Variants in SLC24A2 observed in about 807,000 individuals in gnomAD.
The protein encoded by SLC24A2 is sodium/potassium/calcium exchanger 2.
In SLC24A2, 36 loss-of-function variants were observed where a neutral mutation model predicts 62.0. That is an observed-to-expected ratio of 0.58 (90% CI 0.44 to 0.77). The LOEUF (loss-of-function observed/expected upper bound fraction) is 0.77. Ranked by LOEUF, SLC24A2 falls within the 30% of genes least tolerant of loss-of-function variation. The pLI is 0.00. For missense variants in SLC24A2, 846 were observed against 817.9 expected (o/e 1.03, Z -0.42); for synonymous variants, 358 against 294.0 (o/e 1.22, Z -2.23).
chr9:19,866,315 G>A, the SLC24A2 span, among the ~76,000 whole-genome samples: 3 of 152,118 alleles, frequency 2.0e-5, no homozygotes, highest in African/African-American at 4.8e-5. Flanking sequence ...ACTAAAAATA[G>A]AACTAGCATA....
chr9:20,223,928 G>C, the SLC24A2 span, among the ~76,000 whole-genome samples: 4 of 151,514 alleles, frequency 2.6e-5, no homozygotes, highest in Non-Finnish European at 4.4e-5. Flanking sequence ...TACAATCATG[G>C]TGGAAGGCGA....
intron 7 of SLC24A2, among the ~76,000 whole-genome samples, chr9:19,559,320 A>G (rs1268171915): frequency 1.3e-5 from 2 of 152,234 alleles, no homozygotes; most frequent in African/African-American, 4.8e-5. Flanking sequence ...TTTATCAAGC[A>G]TTCATTGACT....
chr9:20,096,509 C>T, the SLC24A2 span, among the ~76,000 whole-genome samples: 2 of 151,900 alleles, frequency 1.3e-5, no homozygotes, highest in Non-Finnish European at 2.9e-5. Flanking sequence ...ACTAATCTTT[C>T]TATATTTTAT....
intron 2 of SLC24A2, among the ~76,000 whole-genome samples, chr9:19,636,286 C>CTTCTCTTCTCTTCTTTTCTTTTCTT (rs1564009444): frequency 1.1e-5 from 1 of 88,086 alleles, no homozygotes; most frequent in African/African-American, 4.9e-5. Flanking sequence ...CTCTTCTTCT[C>CTTCTCTTCTCTTCTTTTCTTTTCTT]TTCTTTTCTT....
intron 7 of SLC24A2, among the ~76,000 whole-genome samples, chr9:19,563,203 T>C (rs1835489882): frequency 6.6e-6 from 1 of 152,098 alleles, no homozygotes. Context: ...ACTGCTCTTG[T>C]GTTCTAGTGG....
the SLC24A2 span, among the ~76,000 whole-genome samples, chr9:20,267,498 T>C: frequency 6.6e-6 from 1 of 152,044 alleles, no homozygotes; most frequent in Admixed American, 6.6e-5. Flanking sequence ...TCTTTGGTGG[T>C]AGGAGAAGAA....
chr9:19,765,415 G>A (rs757549507), intron 2 of SLC24A2, among the ~76,000 whole-genome samples: 1 of 152,168 alleles, frequency 6.6e-6, no homozygotes, highest in Non-Finnish European at 1.5e-5. Context: ...ATTTTGGTTT[G>A]TTTTTGCAGT....
chr9:19,975,822 CCTGCA>C, the SLC24A2 span, among the ~76,000 whole-genome samples: 1 of 151,764 alleles, frequency 6.6e-6, no homozygotes, highest in Non-Finnish European at 1.5e-5. Flanking sequence ...TATCTGTGGG[CCTGCA>C]TCCTCAGATT....
intron 2 of SLC24A2, among the ~76,000 whole-genome samples, chr9:19,784,159 G>C (rs1037428577): frequency 6.6e-6 from 1 of 152,088 alleles, no homozygotes; most frequent in Non-Finnish European, 1.5e-5. Flanking sequence ...GATCATTCCA[G>C]GGCTACTTTA....
rs532073031 is a variant in SLC24A2 at position 19,788,917 on chromosome 9, G to C, written c.-186C>G. On this transcript the variant is annotated 5_prime_UTR_variant, in exon 1 of 11. Transcript: ENST00000341998. ...AGATGGGAGGACGCGCACACGGCGG[G>C]GCCCCCGAGCGCGGCCCGCCGCTCC... The C allele has an allele frequency of 2.2e-5, 22 of 985,048 alleles. No individual in the cohort carries two copies. The South Asian group carries it at 3.8e-4, about 17-fold the overall frequency. 61.0% of individuals were successfully genotyped at this position (985,048 alleles called of 1,614,324 possible). A position where few individuals can be genotyped will look rare whatever the true frequency, so the allele number is the denominator to read the frequency against.
the SLC24A2 span, among the ~76,000 whole-genome samples, chr9:20,044,598 C>A: frequency 2.0e-5 from 3 of 152,110 alleles, no homozygotes; most frequent in African/African-American, 7.2e-5. Context: ...GTCCTTGGGA[C>A]AACGCATATT....
the SLC24A2 span, among the ~76,000 whole-genome samples, chr9:20,029,811 A>T: frequency 6.6e-6 from 1 of 151,550 alleles, no homozygotes; most frequent in African/African-American, 2.4e-5. Flanking sequence ...GATATGGGTA[A>T]GTGTGTGTGT....
intron 7 of SLC24A2, among the ~76,000 whole-genome samples, chr9:19,557,814 CTTTTTTTTT>C (rs927387911): frequency 7.2e-6 from 1 of 139,268 alleles, no homozygotes; most frequent in Admixed American, 7.2e-5. Flanking sequence ...GCTCACATTT[CTTTTTTTTT>C]TTTTTGAGAC....
chr9:19,530,232 A>G (rs1319631647), intron 8 of SLC24A2, among the ~76,000 whole-genome samples: 3 of 152,082 alleles, frequency 2.0e-5, no homozygotes, highest in African/African-American at 7.2e-5. Context: ...TCAGGATCCT[A>G]CGTGCAATGA....
intron 2 of SLC24A2, among the ~76,000 whole-genome samples, chr9:19,769,136 C>G (rs1052452833): frequency 6.6e-6 from 1 of 152,238 alleles, no homozygotes; most frequent in African/African-American, 2.4e-5. Flanking sequence ...GAAACCCACT[C>G]CTCCTGAAGT....
intron 9 of SLC24A2, among the ~76,000 whole-genome samples, chr9:19,522,301 T>A (rs1833241188): frequency 6.6e-6 from 1 of 152,182 alleles, no homozygotes. Flanking sequence ...CCTGGCCTCT[T>A]GGGACTTTTA....
chr9:19,514,418 C>T lies in SLC24A2; in HGVS notation c.*1735G>A, dbSNP rs566319889. 43 of 152,210 alleles carry T rather than the reference C, an allele frequency of 2.8e-4. No individual in the cohort carries two copies. Among genetic ancestry groups the T allele is most frequent in the African/African-American group, 1.0e-3 (42 of 41,528 alleles). 9.4% of individuals were successfully genotyped at this position (152,210 alleles called of 1,614,324 possible). On this transcript the variant is annotated 3_prime_UTR_variant, in exon 11 of 11. Transcript: ENST00000341998. ...GATGGGTACAGAATAATGAACCATC[C>T]TTGATTCAATTTTTCAACTGATTTT...
the SLC24A2 span, among the ~76,000 whole-genome samples, chr9:20,046,612 G>A: frequency 6.6e-6 from 1 of 152,168 alleles, no homozygotes; most frequent in African/African-American, 2.4e-5. Flanking sequence ...GGCAGTAAAA[G>A]GAGAAAGTGA....
the SLC24A2 span, among the ~76,000 whole-genome samples, chr9:20,205,006 A>T: frequency 4.6e-5 from 7 of 152,030 alleles, no homozygotes; most frequent in East Asian, 1.4e-3. Context: ...CGTCCTCCCA[A>T]AGTGCTGGGA....
Sources: allele counts gnomAD v4.1 joint callset (sites outside exome capture counted in the v4.1 genomes callset), GRCh38; gene constraint gnomAD v4.1.1; transcripts MANE v1.5; gene names NCBI Gene and HGNC (gene_info 2026-07-23, HGNC 2026-07-21).